HEMK2: variants seen among roughly 807,000 people sequenced by gnomAD.
HEMK2 encodes the protein HemK methyltransferase 2, ETF1 glutamine and histone H4 lysine, also known as methyltransferase HEMK2.
At chr21:28,711,866 G>C in the HEMK2 span, among the ~76,000 whole-genome samples, 8 of 152,122 alleles carry the variant, frequency 5.3e-5, no homozygotes, top group Admixed American at 5.2e-4. Context: ...GCTCTGGTGA[G>C]AGCCCTCTTC....
chr21:28,648,429 C>T, the HEMK2 span, among the ~76,000 whole-genome samples: 1 of 152,112 alleles, frequency 6.6e-6, no homozygotes, highest in Non-Finnish European at 1.5e-5. Flanking sequence ...CTGTCCTTGT[C>T]ACTAGTCTGT....
At chr21:28,720,647 T>G in the HEMK2 span, among the ~76,000 whole-genome samples, 1 of 152,116 alleles carries the variant, frequency 6.6e-6, no homozygotes, top group African/African-American at 2.4e-5. Flanking sequence ...GCAGGAGAAC[T>G]GCTTGAACCT....
chr21:28,649,158 C>G, the HEMK2 span, among the ~76,000 whole-genome samples: 1 of 152,172 alleles, frequency 6.6e-6, no homozygotes, highest in Non-Finnish European at 1.5e-5. Flanking sequence ...GAGCTAAGCA[C>G]TAACCAGAAT....
At chr21:28,698,516 A>C in the HEMK2 span, among the ~76,000 whole-genome samples, 1 of 152,170 alleles carries the variant, frequency 6.6e-6, no homozygotes, top group African/African-American at 2.4e-5. Flanking sequence ...AAGCGGAGAG[A>C]TTCTTTTTTA....
chr21:28,621,922 A>G, the HEMK2 span, among the ~76,000 whole-genome samples: 1 of 152,134 alleles, frequency 6.6e-6, no homozygotes, highest in South Asian at 2.1e-4. Flanking sequence ...TCCCTTTACC[A>G]TTATGTAACG....
the HEMK2 span, among the ~76,000 whole-genome samples, chr21:28,646,598 T>C: frequency 1.3e-5 from 2 of 152,212 alleles, no homozygotes; most frequent in Non-Finnish European, 1.5e-5. Context: ...TTGACAATGT[T>C]CAGTCAGATG....
the HEMK2 span, among the ~76,000 whole-genome samples, chr21:28,729,633 CAAAAAA>C: frequency 8.4e-6 from 1 of 119,026 alleles, no homozygotes; most frequent in Admixed American, 8.0e-5. Flanking sequence ...TGCTGATAAG[CAAAAAA>C]AAAAAAAAAA....
the HEMK2 span, among the ~76,000 whole-genome samples, chr21:28,766,829 G>A: frequency 2.0e-5 from 3 of 152,038 alleles, no homozygotes; most frequent in Non-Finnish European, 4.4e-5. Flanking sequence ...ACAATATAAC[G>A]GACTTTAGGG....
chr21:28,667,637 T>C, the HEMK2 span, among the ~76,000 whole-genome samples: 13 of 152,182 alleles, frequency 8.5e-5, no homozygotes, highest in Non-Finnish European at 1.5e-5. Context: ...AATATACACC[T>C]ACTATGCACC....
the HEMK2 span, among the ~76,000 whole-genome samples, chr21:28,863,953 A>G: frequency 0.11 from 17,479 of 152,150 alleles, 1,587 homozygotes; most frequent in African/African-American, 0.24. Context: ...TCAGCCTCCC[A>G]AGTAGCTGGG....
chr21:28,679,571 C>G, the HEMK2 span, among the ~76,000 whole-genome samples: 1 of 152,200 alleles, frequency 6.6e-6, no homozygotes, highest in East Asian at 1.9e-4. Flanking sequence ...CTACAGAACT[C>G]TCCACCCCAA....
the HEMK2 span, among the ~76,000 whole-genome samples, chr21:28,589,307 A>G: frequency 2.6e-5 from 4 of 152,186 alleles, no homozygotes; most frequent in Non-Finnish European, 5.9e-5. Flanking sequence ...CAACATATGC[A>G]GTTTTTTAAA....
At chr21:28,819,359 T>C in the HEMK2 span, among the ~76,000 whole-genome samples, 3 of 151,850 alleles carry the variant, frequency 2.0e-5, no homozygotes, top group African/African-American at 7.3e-5. Context: ...TATTTTTATA[T>C]GCTTTATATA....
At chr21:28,852,103 T>A in the HEMK2 span, among the ~76,000 whole-genome samples, 1 of 152,222 alleles carries the variant, frequency 6.6e-6, no homozygotes, top group African/African-American at 2.4e-5. Context: ...GTGGTGGCGA[T>A]CACCATCCCT....
At chr21:28,877,308 GAA>G in the HEMK2 span, among the ~76,000 whole-genome samples, 21,655 of 133,778 alleles carry the variant, frequency 0.16, 2,032 homozygotes, top group South Asian at 0.22. Flanking sequence ...AAGAGAGAGA[GAA>G]AGAGAGAAAG....
chr21:28,760,584 A>G, the HEMK2 span, among the ~76,000 whole-genome samples: 1 of 152,196 alleles, frequency 6.6e-6, no homozygotes, highest in Non-Finnish European at 1.5e-5. Context: ...ATAATATCCA[A>G]TATCACATAT....
chr21:28,829,997 G>C, the HEMK2 span, among the ~76,000 whole-genome samples: 1 of 152,172 alleles, frequency 6.6e-6, no homozygotes, highest in African/African-American at 2.4e-5. Flanking sequence ...AGTCAGAGAA[G>C]GGTGGGCTCT....
chr21:28,880,692 A>C, the HEMK2 span, among the ~76,000 whole-genome samples: 1 of 151,774 alleles, frequency 6.6e-6, no homozygotes, highest in Non-Finnish European at 1.5e-5. Flanking sequence ...GCAGTGAGCC[A>C]AGATTGCGCC....
At chr21:28,766,128 T>C in the HEMK2 span, among the ~76,000 whole-genome samples, 5 of 151,500 alleles carry the variant, frequency 3.3e-5, no homozygotes, top group Non-Finnish European at 5.9e-5. Context: ...CACAGGGAGG[T>C]GAACATCACA....
Sources: allele counts gnomAD v4.1 joint callset (sites outside exome capture counted in the v4.1 genomes callset), GRCh38; gene constraint gnomAD v4.1.1; transcripts MANE v1.5; gene names NCBI Gene and HGNC (gene_info 2026-07-23, HGNC 2026-07-21).